Variants in JARID2 observed in about 807,000 individuals in gnomAD.
The protein encoded by JARID2 is protein Jumonji.
JARID2 carries 21 observed loss-of-function variants against 125.6 expected under a neutral mutation model. The ratio of observed to expected loss-of-function variants is 0.17; its 90% confidence interval spans 0.12 to 0.24. The LOEUF (loss-of-function observed/expected upper bound fraction) is 0.24, where lower values mean the gene tolerates loss of function less well. Ranked by LOEUF, JARID2 falls within the 10% of genes least tolerant of loss-of-function variation. JARID2 has a pLI of 1.00. For missense variants in JARID2, 1,303 were observed against 1,639.6 expected (o/e 0.79, Z 3.55); for synonymous variants, 736 against 661.6 (o/e 1.11, Z -1.73).
intron 1 of JARID2, among the ~76,000 whole-genome samples, chr6:15,366,594 C>T (rs1465325292): frequency 6.6e-6 from 1 of 151,290 alleles, no homozygotes; most frequent in Non-Finnish European, 1.5e-5. Flanking sequence ...TAAAGAGGCT[C>T]TGTGTTAGGA....
At chr6:15,264,485 C>G (rs1760003127) in intron 1 of JARID2, among the ~76,000 whole-genome samples, 2 of 152,210 alleles carry the variant, frequency 1.3e-5, no homozygotes, top group East Asian at 1.9e-4. Context: ...GACTCCTGTG[C>G]TCAGGTCATT....
At chr6:15,410,965 TTC>T (rs1765851583) in intron 3 of JARID2, among the ~76,000 whole-genome samples, 1 of 152,218 alleles carries the variant, frequency 6.6e-6, no homozygotes, top group Non-Finnish European at 1.5e-5. Flanking sequence ...AGTTTGTGGT[TTC>T]ATGGTCAAAC....
chr6:15,423,755 C>T (rs1443638174), intron 3 of JARID2, among the ~76,000 whole-genome samples: 1 of 152,204 alleles, frequency 6.6e-6, no homozygotes, highest in African/African-American at 2.4e-5. Context: ...CTTGTCACTT[C>T]TCATCTCCAC....
rs745772893 is a variant in JARID2 at position 15,501,277 on chromosome 6, C to T, written c.2316C>T (p.Ser772=). The T allele has an allele frequency of 4.3e-6, 7 of 1,613,496 alleles. No individual in the cohort carries two copies. The Admixed American group carries it at 6.7e-5, about 15-fold the overall frequency. Residue 772 remains serine, a synonymous_variant, in exon 8 of 18, where the codon AGC becomes AGT. Transcript: ENST00000341776. ...TGGCCCCCAGGAACGGCTTCCGCAG[C>T]AAGCTCAAGGAGGTGGGCCAGGCCC... ...HGVAPRNGFR[S]KLKEVGQAQL...
intron 3 of JARID2, among the ~76,000 whole-genome samples, chr6:15,438,710 G>A (rs908214048): frequency 4.6e-5 from 7 of 152,148 alleles, no homozygotes; most frequent in Admixed American, 2.0e-4. Context: ...TCCCTCCACA[G>A]TATCCTTCTA....
intron 4 of JARID2, 149 bp downstream of exon 4, chr6:15,452,324 AC>A (rs899546725): frequency 3.3e-6 from 4 of 1,213,628 alleles, no homozygotes; most frequent in Admixed American, 3.0e-5. Flanking sequence ...GAGAAATCCC[AC>A]CGAGAGAGTG....
At chr6:15,480,333 G>T (rs576092360) in intron 5 of JARID2, among the ~76,000 whole-genome samples, 79 of 152,240 alleles carry the variant, frequency 5.2e-4, no homozygotes, top group African/African-American at 1.7e-3. Flanking sequence ...TTTCAAGGAG[G>T]TTAGGCCTTC....
chr6:15,420,175 C>T (rs563575604), intron 3 of JARID2, among the ~76,000 whole-genome samples: 131 of 152,230 alleles, frequency 8.6e-4, no homozygotes, highest in African/African-American at 2.5e-3. Context: ...GAGGCCGAGG[C>T]GGGTGGATCA....
intron 12 of JARID2, among the ~76,000 whole-genome samples, chr6:15,510,012 A>C (rs767912744): frequency 7.2e-5 from 11 of 152,274 alleles, no homozygotes; most frequent in Admixed American, 1.3e-4. Flanking sequence ...TAAAAAAAAT[A>C]CTTCCTTCAC....
At chr6:15,387,773 G>C (rs1170609284) in intron 2 of JARID2, among the ~76,000 whole-genome samples, 2 of 152,186 alleles carry the variant, frequency 1.3e-5, no homozygotes, top group Non-Finnish European at 2.9e-5. Context: ...AGCCTGGATG[G>C]AGTAACTGCT....
intron 1 of JARID2, among the ~76,000 whole-genome samples, chr6:15,332,949 T>C (rs1762762776): frequency 7.1e-6 from 1 of 141,116 alleles, no homozygotes; most frequent in Non-Finnish European, 1.5e-5. Flanking sequence ...TTTTTTTTTT[T>C]TTTTTTTTTG....
chr6:15,367,466 C>A (rs1253285905), intron 1 of JARID2, among the ~76,000 whole-genome samples: 1 of 152,132 alleles, frequency 6.6e-6, no homozygotes, highest in Non-Finnish European at 1.5e-5. Context: ...TTACATGAAG[C>A]CTCTGCAAAC....
At chr6:15,374,972 A>G (rs1167857774) in intron 2 of JARID2, among the ~76,000 whole-genome samples, 3 of 152,166 alleles carry the variant, frequency 2.0e-5, no homozygotes, top group Non-Finnish European at 4.4e-5. Flanking sequence ...TGAATTGACC[A>G]TGTTTTTGTT....
chr6:15,469,372 C>CCCCTTCTCCCCCTCTA lies in JARID2; in HGVS notation c.670+657_670+658insTTCTCCCCCTCTACCC, dbSNP rs1768947249. ...CTCTCTCTCTCTCTCCTCCCCTTCT[C>CCCCTTCTCCCCCTCTA]CCCCTCTCCCCCTCTCCCCCTTTCC... On this transcript the variant is annotated intron_variant, in intron 5 of 17. Coordinates refer to ENST00000341776, the MANE Select transcript of JARID2 (RefSeq NM_004973.4). Among the ~76,000 whole-genome samples the CCCCTTCTCCCCCTCTA allele has an allele frequency of 8.8e-5, 3 of 34,268 alleles. 1 individual carries two copies. The highest frequency in any genetic ancestry group is 1.8e-4 in the Non-Finnish European group (3 of 16,416). The allele number at this position is 34,268 out of a possible 152,430, so 22.5% of individuals were successfully genotyped here.
intron 1 of JARID2, among the ~76,000 whole-genome samples, chr6:15,363,084 G>A (rs1763856910): frequency 6.6e-6 from 1 of 152,168 alleles, no homozygotes; most frequent in Non-Finnish European, 1.5e-5. Flanking sequence ...CTTGAAGGTG[G>A]TGGAGGTGAT....
intron 1 of JARID2, among the ~76,000 whole-genome samples, chr6:15,343,034 A>T (rs990155375): frequency 1.3e-5 from 2 of 152,144 alleles, no homozygotes; most frequent in African/African-American, 4.8e-5. Flanking sequence ...GTTTGAGACC[A>T]GCCTGGCCAG....
At chr6:15,519,739 CAA>C (rs1771741369) in intron 17 of JARID2, among the ~76,000 whole-genome samples, 1 of 152,162 alleles carries the variant, frequency 6.6e-6, no homozygotes, top group African/African-American at 2.4e-5. Context: ...CAGGATGTAA[CAA>C]AGCCCCTGGG....
intron 3 of JARID2, among the ~76,000 whole-genome samples, chr6:15,414,356 C>G (rs1766035741): frequency 6.6e-6 from 1 of 152,050 alleles, no homozygotes; most frequent in Non-Finnish European, 1.5e-5. Context: ...TGCAGAAAAC[C>G]CCCTGAGTCA....
At chr6:15,325,968 T>C (rs1165679195) in intron 1 of JARID2, among the ~76,000 whole-genome samples, 2 of 152,246 alleles carry the variant, frequency 1.3e-5, no homozygotes, top group East Asian at 3.8e-4. Context: ...AATACAATTT[T>C]CATAAAAATT....
Sources: allele counts gnomAD v4.1 joint callset (sites outside exome capture counted in the v4.1 genomes callset), GRCh38; gene constraint gnomAD v4.1.1; transcripts MANE v1.5; gene names NCBI Gene and HGNC (gene_info 2026-07-23, HGNC 2026-07-21).